SEM1: variants seen among roughly 807,000 people sequenced by gnomAD.
The protein encoded by SEM1 is 26S proteasome complex subunit SEM1.
Under a neutral mutation model 12.7 loss-of-function variants are expected in SEM1, and 3 were observed. The ratio of observed to expected loss-of-function variants is 0.24; its 90% CI spans 0.11 to 0.61. The LOEUF is 0.61. Ranked by LOEUF, SEM1 falls within the 20% of genes least tolerant of loss-of-function variation. SEM1 has a pLI of 0.88. For synonymous variants in SEM1, 30 were observed against 27.8 expected (o/e 1.08, Z -0.25); for missense variants, 59 against 81.3 (o/e 0.73, Z 1.06).
At chr7:96,558,800 A>G (rs982747771) in intron 2 of SEM1, among the ~76,000 whole-genome samples, 2 of 152,234 alleles carry the variant, frequency 1.3e-5, no homozygotes, top group African/African-American at 4.8e-5. Flanking sequence ...GTCTGTTGGA[A>G]TGAAAAACAT....
intron 2 of SEM1, among the ~76,000 whole-genome samples, chr7:96,485,536 CTTTTTT>C (rs61088450): frequency 1.3e-5 from 1 of 76,704 alleles, no homozygotes; most frequent in African/African-American, 5.3e-5. Context: ...TCTCTACATT[CTTTTTT>C]TTTTTTTTTT....
At chr7:96,524,244 C>T (rs1804374830) in intron 2 of SEM1, among the ~76,000 whole-genome samples, 1 of 152,132 alleles carries the variant, frequency 6.6e-6, no homozygotes, top group African/African-American at 2.4e-5. Context: ...TCCGAATTCT[C>T]AACATCACCC....
At chr7:96,582,026 G>A (rs1156676660) in intron 2 of SEM1, among the ~76,000 whole-genome samples, 3 of 145,270 alleles carry the variant, frequency 2.1e-5, no homozygotes, top group Non-Finnish European at 4.6e-5. Flanking sequence ...GGAGTGGTGA[G>A]AGAGGGCATC....
At chr7:96,642,522 T>C (rs1808648177) in intron 2 of SEM1, among the ~76,000 whole-genome samples, 1 of 152,004 alleles carries the variant, frequency 6.6e-6, no homozygotes, top group Non-Finnish European at 1.5e-5. Context: ...CCTTTGTTTC[T>C]TTTTTTAAAC....
At chr7:96,663,087 C>A (rs569667432) in intron 2 of SEM1, among the ~76,000 whole-genome samples, 3 of 149,050 alleles carry the variant, frequency 2.0e-5, no homozygotes, top group South Asian at 2.1e-4. Context: ...ATTAGAGATA[C>A]ATAGTGAAGT....
chr7:96,639,686 G>C (rs902715137), intron 2 of SEM1, among the ~76,000 whole-genome samples: 2 of 151,828 alleles, frequency 1.3e-5, no homozygotes, highest in African/African-American at 4.8e-5. Context: ...TTTAGATGCA[G>C]CACCAAAGGC....
chr7:96,629,580 A>G (rs1169499312), intron 2 of SEM1, among the ~76,000 whole-genome samples: 1 of 152,000 alleles, frequency 6.6e-6, no homozygotes, highest in Non-Finnish European at 1.5e-5. Context: ...CAAAACAGCT[A>G]TTTTGAATTC....
intron 2 of SEM1, among the ~76,000 whole-genome samples, chr7:96,552,529 T>C (rs1208688806): frequency 6.7e-6 from 1 of 149,184 alleles, no homozygotes; most frequent in African/African-American, 2.5e-5. Context: ...CTCATCATAT[T>C]TTATGGCTGC....
intron 2 of SEM1, among the ~76,000 whole-genome samples, chr7:96,663,331 TAC>T (rs1789070791): frequency 6.6e-6 from 1 of 152,176 alleles, no homozygotes; most frequent in Non-Finnish European, 1.5e-5. Context: ...AGAGTAGAAT[TAC>T]ATTTATCAAA....
intron 2 of SEM1, among the ~76,000 whole-genome samples, chr7:96,570,143 G>A (rs10156081): frequency 4.0e-4 from 60 of 151,376 alleles, no homozygotes; most frequent in Non-Finnish European, 8.3e-4. Flanking sequence ...TTCCCACCAA[G>A]AGAGTATAAG....
intron 2 of SEM1, among the ~76,000 whole-genome samples, chr7:96,535,567 C>T (rs1804762665): frequency 6.6e-6 from 1 of 151,808 alleles, no homozygotes; most frequent in Non-Finnish European, 1.5e-5. Context: ...ATCACCCAGG[C>T]ACTAAGCATA....
chr7:96,542,078 C>CT (rs1184397284), intron 2 of SEM1, among the ~76,000 whole-genome samples: 1 of 147,862 alleles, frequency 6.8e-6, no homozygotes, highest in Non-Finnish European at 1.5e-5. Context: ...CATTTGGGCT[C>CT]TTTTTTTGGG....
upstream of SEM1, among the ~76,000 whole-genome samples, chr7:96,501,237 G>T (rs576798152): frequency 5.0e-4 from 76 of 152,216 alleles, no homozygotes; most frequent in African/African-American, 1.8e-3. Context: ...AGGTCTGAAA[G>T]CTACGATGAC....
upstream of SEM1, among the ~76,000 whole-genome samples, chr7:96,498,275 A>G (rs1182341267): frequency 1.3e-5 from 2 of 152,196 alleles, no homozygotes; most frequent in South Asian, 4.1e-4. Flanking sequence ...AATTTAGTCT[A>G]AAGAATGAAC....
At chr7:96,688,112 C>T (rs541814974), downstream of SEM1, 5 of 152,128 alleles carry the variant, frequency 3.3e-5, no homozygotes, top group Admixed American at 6.6e-5. Context: ...AAAAATACCC[C>T]GTACATTTAA....
chr7:96,675,645 G>A lies in SEM1; in HGVS notation c.171-1786C>T, dbSNP rs534214259. Among the ~76,000 whole-genome samples the A allele has an allele frequency of 1.3e-5, 2 of 152,272 alleles. 1 individual carries two copies. The highest frequency in any genetic ancestry group is 4.1e-4 in the South Asian group (2 of 4,824). On this transcript the variant is annotated intron_variant, in intron 2 of 2. Coordinates refer to the SEM1 transcript ENST00000413065. ...CTTAGTGGGAGGACACTAAGTGCCA[G>A]CTCTCACTGTCATTTCCTACTTCAG...
downstream of SEM1, among the ~76,000 whole-genome samples, chr7:96,685,400 A>G (rs1275393626): frequency 2.0e-5 from 3 of 152,154 alleles, no homozygotes; most frequent in South Asian, 4.1e-4. Context: ...CTGTATCAAT[A>G]AAAACTTCTA....
chr7:96,674,771 C>T (rs1789409853), intron 2 of SEM1, among the ~76,000 whole-genome samples: 1 of 152,152 alleles, frequency 6.6e-6, no homozygotes, highest in African/African-American at 2.4e-5. Flanking sequence ...TTCCACTGAA[C>T]CCTGTGCTGG....
downstream of SEM1, among the ~76,000 whole-genome samples, chr7:96,687,214 G>A (rs1167494795): frequency 6.6e-6 from 1 of 152,142 alleles, no homozygotes; most frequent in African/African-American, 2.4e-5. Context: ...CAACCATTGT[G>A]GAAGTCAGTG....
Sources: gnomAD v4.1 joint callset for allele counts (sites outside exome capture counted in the v4.1 genomes callset) on GRCh38, gnomAD v4.1.1 for gene constraint, MANE v1.5 for transcripts, NCBI Gene and HGNC (gene_info 2026-07-23, HGNC 2026-07-21) for gene names.